TRPM1: variants seen among roughly 807,000 people sequenced by gnomAD.
The protein encoded by TRPM1 is transient receptor potential cation channel subfamily M member 1, also known as TRPM1-203 APA Isoform, Intron 10.
TRPM1 carries 113 observed loss-of-function variants against 149.4 expected under a neutral mutation model. The ratio of observed to expected loss-of-function variants is 0.76; its 90% CI spans 0.65 to 0.88. The LOEUF (loss-of-function observed/expected upper bound fraction) is 0.88, where lower values mean the gene tolerates loss of function less well. Ranked by LOEUF, TRPM1 falls within the 40% of genes least tolerant of loss-of-function variation. TRPM1 has a pLI of 0.00. For missense variants in TRPM1, 1,976 were observed against 2,038.7 expected (o/e 0.97, Z 0.59); for synonymous variants, 741 against 759.5 (o/e 0.98, Z 0.40).
chr15:31,029,317 G>C (rs1467378523), intron 24 of TRPM1, 54 bp downstream of exon 24: 2 of 1,573,988 alleles, frequency 1.3e-6, no homozygotes, highest in African/African-American at 2.7e-5. Flanking sequence ...TAAGGAAAAG[G>C]TAATTGAAAA....
chr15:31,107,378 T>G (rs1221161973), intron 1 of TRPM1, among the ~76,000 whole-genome samples: 1 of 152,220 alleles, frequency 6.6e-6, no homozygotes, highest in African/African-American at 2.4e-5. Flanking sequence ...ATCCTTTGTA[T>G]TAATATGTCT....
rs144467239 is a variant in TRPM1, at chr15:31,160,890, G to A, written c.54+16C>T. 3.7e-4 allele frequency: 569 copies of A among 1,535,480 alleles called. 2 individuals are homozygous for A. The African/African-American group carries it at 6.6e-3, about 18-fold the overall frequency. Reference sequence around the variant, plus strand: ...TCCGCCCAGCTGCCCGCAGGCCACTGGCAAAGCTCACTCACCTTCTGCGAC... The same window carrying A: ...TCCGCCCAGCTGCCCGCAGGCCACTAGCAAAGCTCACTCACCTTCTGCGAC... On this transcript the variant is annotated intron_variant, in intron 1 of 26. Coordinates refer to the TRPM1 transcript ENST00000542188.
At chr15:31,047,273 A>T (rs747992685) in intron 14 of TRPM1, 22 bp from the exon 15 acceptor site, 1 of 1,614,184 alleles carries the variant, frequency 6.2e-7, no homozygotes, top group Non-Finnish European at 8.5e-7. Flanking sequence ...GTCTGGTCTC[A>T]GGCCCTGTGA....
intron 1 of TRPM1, among the ~76,000 whole-genome samples, chr15:31,092,260 G>GTC (rs2035259596): frequency 6.6e-6 from 1 of 152,144 alleles, no homozygotes; most frequent in Non-Finnish European, 1.5e-5. Flanking sequence ...GGTGACCACC[G>GTC]TGACGGTCCC....
Position 31,040,455 on chromosome 15 carries a change from A to G in TRPM1, c.2088-109T>C. ...GGAGCCACGGGACACAGTATCCTTC[A>G]CTGGAGGGGCTCTGAGGTTCTCTGC... On this transcript the variant is annotated intron_variant, in intron 17 of 27. Coordinates refer to ENST00000256552, the MANE Select transcript of TRPM1 (RefSeq NM_001252024.2). The surrounding 1 kb of genome is among the most constrained non-coding windows in gnomAD (Gnocchi z 4.2). 1.1e-6 allele frequency: 1 copy of G among 899,948 alleles called. No homozygotes were observed. Among genetic ancestry groups the G allele is most frequent in the Non-Finnish European group, 1.8e-6 (1 of 556,846 alleles). 55.7% of individuals were successfully genotyped at this position (899,948 alleles called of 1,614,324 possible).
At chr15:31,047,418 C>G (rs1197930181) in intron 14 of TRPM1, among the ~76,000 whole-genome samples, 167 bp from the exon 15 acceptor site, 1 of 152,162 alleles carries the variant, frequency 6.6e-6, no homozygotes, top group Non-Finnish European at 1.5e-5. Flanking sequence ...GCATCTATCC[C>G]TTGATAACAA....
chr15:31,151,533 C>T (rs1436551682), intron 1 of TRPM1, among the ~76,000 whole-genome samples: 1 of 152,244 alleles, frequency 6.6e-6, no homozygotes, highest in East Asian at 1.9e-4. Context: ...AGCTACCCTA[C>T]AGAAGGTCTC....
At chr15:31,052,693 T>C (rs1190696700) in intron 11 of TRPM1, among the ~76,000 whole-genome samples, 1 of 152,172 alleles carries the variant, frequency 6.6e-6, no homozygotes, top group East Asian at 1.9e-4. Context: ...GAGAATTCCT[T>C]GAACCCAGGA....
upstream of TRPM1, among the ~76,000 whole-genome samples, chr15:31,102,573 C>T (rs1215061076): frequency 6.6e-6 from 1 of 152,212 alleles, no homozygotes; most frequent in Non-Finnish European, 1.5e-5. Context: ...GCCCAGAGAG[C>T]AGGTGGGGTG....
Position 31,001,580 on chromosome 15 carries a change from G to C in TRPM1, c.*242C>G. On this transcript the variant is annotated 3_prime_UTR_variant, in exon 28 of 28. Coordinates refer to ENST00000256552, the MANE Select transcript of TRPM1 (RefSeq NM_001252024.2). ...ATTGTATAATCTTGTATACTGATTA[G>C]CCAATTTATCTTCGTTACAGTATCA... The C allele has an allele frequency of 1.7e-6, 1 of 579,746 alleles. No homozygotes were observed. Among genetic ancestry groups the C allele is most frequent in the Non-Finnish European group, 3.0e-6 (1 of 330,204 alleles). 35.9% of individuals were successfully genotyped at this position (579,746 alleles called of 1,614,324 possible).
Position 31,049,427 on chromosome 15 carries a change from A to C in TRPM1, c.1520T>G (p.Val507Gly). 1 of 1,614,080 alleles carries C rather than the reference A, an allele frequency of 6.2e-7. No homozygotes were observed. The highest frequency in any genetic ancestry group is 1.3e-5 in the African/African-American group (1 of 74,990). The change falls in exon 13 of 28, where the codon GTG becomes GGG. Residue 507 changes from valine (V) to glycine (G), a missense_variant. This residue lies in a region of TRPM1 where 1,332 missense variants were observed against 1,347.1 expected (regional missense o/e 0.99). Coordinates refer to ENST00000256552, the MANE Select transcript of TRPM1 (RefSeq NM_001252024.2). ...DFVKLLIENGVNMQHFLTIPR... is the reference protein window; with the variant it reads ...DFVKLLIENGGNMQHFLTIPR... ...AATGGTCAGAAAGTGTTGCATGTTC[A>C]CTCCGTTTTCAATCAGGAGCTTCAC...
intron 3 of TRPM1, among the ~76,000 whole-genome samples, chr15:31,071,904 C>A (rs1329334453): frequency 7.1e-6 from 1 of 140,880 alleles, no homozygotes; most frequent in Non-Finnish European, 1.5e-5. Context: ...GCAGAGGTTG[C>A]AATGAGCCGG....
intron 20 of TRPM1, among the ~76,000 whole-genome samples, chr15:31,037,163 C>A (rs986062926): frequency 2.0e-5 from 3 of 152,228 alleles, no homozygotes; most frequent in Admixed American, 2.0e-4. Flanking sequence ...TAGTAGAGAG[C>A]CACACTCTGG....
intron 1 of TRPM1, among the ~76,000 whole-genome samples, chr15:31,139,479 T>A (rs1397277896): frequency 1.9e-4 from 29 of 152,226 alleles, no homozygotes; most frequent in Admixed American, 1.9e-3. Context: ...TGTCTGTATG[T>A]CTATATGTGT....
chr15:31,084,839 ATT>A (rs35744261), intron 1 of TRPM1, among the ~76,000 whole-genome samples: 51,349 of 136,790 alleles, frequency 0.38, 9,831 homozygotes, highest in African/African-American at 0.48. Flanking sequence ...CGCCTGGCTA[ATT>A]TTTTTTTTTT....
chr15:31,119,271 TAAAC>T (rs2035844545), intron 1 of TRPM1, among the ~76,000 whole-genome samples: 1 of 146,106 alleles, frequency 6.8e-6, no homozygotes, highest in Non-Finnish European at 1.5e-5. Flanking sequence ...AATAAATAAA[TAAAC>T]TTATCTATAG....
In TRPM1 at chr15:31,001,913, C is replaced by G; in HGVS notation, c.4787G>C (p.Ser1596Thr). 1 of 1,614,134 alleles carries G rather than the reference C, an allele frequency of 6.2e-7. No homozygotes were observed. Among genetic ancestry groups the G allele is most frequent in the African/African-American group, 1.3e-5 (1 of 75,042 alleles). The change falls in exon 28 of 28, where the codon AGT (serine) becomes ACT (threonine). Residue 1596 changes from serine to threonine, a missense_variant. Transcript: ENST00000256552. ...CACAATTACTAAGCTGCTTACACTACTGGCATGTCCAGATCTGTCTAACTT... is the reference window on the plus strand; with the variant it reads ...CACAATTACTAAGCTGCTTACACTAGTGGCATGTCCAGATCTGTCTAACTT... ...QGKLDRSGHA[S>T]SVSSLVIVSG...
At chr15:31,139,316 GGATGTACAAATTT>G (rs1445901928) in intron 1 of TRPM1, among the ~76,000 whole-genome samples, 3 of 152,140 alleles carry the variant, frequency 2.0e-5, no homozygotes, top group Admixed American at 6.5e-5. Context: ...TCCTGCCTTT[GGATGTACAAATTT>G]GGTGTTGCCT....
intron 11 of TRPM1, among the ~76,000 whole-genome samples, chr15:31,057,156 C>T (rs868619446): frequency 1.3e-4 from 20 of 152,104 alleles, no homozygotes; most frequent in Middle Eastern, 3.2e-3. Context: ...TTGAAAGATT[C>T]TTCAAGAAGA....
Sources: allele counts gnomAD v4.1 joint callset (sites outside exome capture counted in the v4.1 genomes callset), GRCh38; gene constraint gnomAD v4.1.1; regional missense constraint gnomAD v4.1.1; non-coding constraint Gnocchi (gnomAD v3.1); transcripts MANE v1.5; gene names NCBI Gene and HGNC (gene_info 2026-07-23, HGNC 2026-07-21).